The following GPHN variants were observed in gnomAD, a reference collection of about 807,000 sequenced individuals.
GPHN encodes gephyrin.
A neutral mutation model predicts 95.5 loss-of-function variants in GPHN; 17 were observed. The observed-to-expected ratio is 0.18, with a 90% CI of 0.12 to 0.27. The LOEUF is 0.27. Among genes scored for constraint, GPHN ranks in the 10% least tolerant of loss-of-function variants. The pLI, the probability that GPHN is intolerant of heterozygous loss-of-function variation, is 1.00. For synonymous variants in GPHN, 320 were observed against 322.5 expected, an observed-to-expected ratio of 0.99 and a Z score of 0.08; for missense variants, 660 against 978.1, an observed-to-expected ratio of 0.67 and a Z score of 4.34.
intron 5 of GPHN, among the ~76,000 whole-genome samples, chr14:66,905,871 T>C (rs1038376268): frequency 3.5e-4 from 54 of 152,136 alleles, no homozygotes; most frequent in Admixed American, 1.1e-3. Flanking sequence ...GATAATGGCC[T>C]CCAGGTACGT....
chr14:66,778,001 G>A (rs2059448125), intron 3 of GPHN, among the ~76,000 whole-genome samples: 1 of 152,066 alleles, frequency 6.6e-6, no homozygotes, highest in African/African-American at 2.4e-5. Flanking sequence ...AGGAAATAAA[G>A]GGTATTCATT....
the GPHN span, among the ~76,000 whole-genome samples, chr14:67,491,513 T>C: frequency 6.6e-6 from 1 of 152,320 alleles, no homozygotes; most frequent in South Asian, 2.1e-4. Context: ...GTGCTTATTA[T>C]GAATAACAAA....
At chr14:67,095,462 A>G (rs1340566517) in intron 12 of GPHN, among the ~76,000 whole-genome samples, 1 of 152,192 alleles carries the variant, frequency 6.6e-6, no homozygotes, top group Non-Finnish European at 1.5e-5. Flanking sequence ...TCATGCTGCT[A>G]TAAAGACACA....
chr14:67,059,227 G>A (rs148337424), intron 11 of GPHN, among the ~76,000 whole-genome samples: 1 of 151,864 alleles, frequency 6.6e-6, no homozygotes, highest in Non-Finnish European at 1.5e-5. Context: ...ATGTAAAAAT[G>A]TAAAAAAAAA....
At chr14:67,496,416 TTTTTTG>T in the GPHN span, among the ~76,000 whole-genome samples, 1 of 138,288 alleles carries the variant, frequency 7.2e-6, no homozygotes, top group East Asian at 2.2e-4. Context: ...TTTTTTTTTT[TTTTTTG>T]AGACAGGGTC....
chr14:67,299,584 G>A, the GPHN span, among the ~76,000 whole-genome samples: 1 of 152,186 alleles, frequency 6.6e-6, no homozygotes, highest in Non-Finnish European at 1.5e-5. Flanking sequence ...AGGGATTAGA[G>A]TATTTTTATA....
the GPHN span, chr14:67,200,018 G>A: frequency 1.0e-6 from 1 of 965,244 alleles, no homozygotes; most frequent in Non-Finnish European, 1.5e-6. Flanking sequence ...CATGGTTTAG[G>A]ACATCCCCAT....
intron 1 of GPHN, among the ~76,000 whole-genome samples, chr14:66,536,019 A>G (rs985111727): frequency 4.6e-5 from 7 of 152,180 alleles, no homozygotes; most frequent in African/African-American, 1.4e-4. Flanking sequence ...TTAGGGGAAA[A>G]TGTTCAATAT....
chr14:66,657,568 G>A (rs2153370873), intron 1 of GPHN, among the ~76,000 whole-genome samples: 1 of 152,294 alleles, frequency 6.6e-6, no homozygotes, highest in South Asian at 2.1e-4. Flanking sequence ...AATGCAGCTG[G>A]TAACTTTAAA....
the GPHN span, chr14:67,678,091 A>G: frequency 4.4e-6 from 2 of 455,268 alleles, no homozygotes; most frequent in South Asian, 5.1e-5. Context: ...TCCTATTATG[A>G]TATCTCTAGT....
At chr14:66,919,522 A>G (rs1448590010) in intron 6 of GPHN, among the ~76,000 whole-genome samples, 3 of 152,174 alleles carry the variant, frequency 2.0e-5, no homozygotes, top group Non-Finnish European at 1.5e-5. Context: ...ACAGACAGGT[A>G]CAGGCTACTC....
At chr14:67,445,875 C>T in the GPHN span, among the ~76,000 whole-genome samples, 4 of 152,116 alleles carry the variant, frequency 2.6e-5, no homozygotes, top group African/African-American at 9.7e-5. Context: ...GCATGAGCCT[C>T]CCTGCTCAGC....
the GPHN span, chr14:67,320,292 A>G: frequency 6.2e-7 from 1 of 1,613,870 alleles, no homozygotes; most frequent in Non-Finnish European, 8.5e-7. Flanking sequence ...GCCAGCAAAT[A>G]GGAAGAGACC....
the GPHN span, chr14:67,585,616 A>G: frequency 1.9e-6 from 3 of 1,583,904 alleles, no homozygotes; most frequent in Admixed American, 5.4e-5. Context: ...GATTGCTGTG[A>G]ATGAGGATGG....
At chr14:66,816,006 A>T (rs1260771495) in intron 3 of GPHN, among the ~76,000 whole-genome samples, 3 of 152,220 alleles carry the variant, frequency 2.0e-5, no homozygotes, top group Admixed American at 2.0e-4. Context: ...CAAGGGTTGC[A>T]GTTCTACTTT....
intron 1 of GPHN, among the ~76,000 whole-genome samples, chr14:66,632,708 G>C (rs1158064650): frequency 6.6e-6 from 1 of 151,890 alleles, no homozygotes; most frequent in Non-Finnish European, 1.5e-5. Flanking sequence ...GGCCAGGCTG[G>C]TCTCCAACTT....
At chr14:67,423,943 A>G in the GPHN span, among the ~76,000 whole-genome samples, 1 of 152,224 alleles carries the variant, frequency 6.6e-6, no homozygotes, top group South Asian at 2.1e-4. Context: ...ACTTTTTTAA[A>G]AAGTAGGGAG....
At chr14:67,583,235 C>T in the GPHN span, among the ~76,000 whole-genome samples, 1 of 152,158 alleles carries the variant, frequency 6.6e-6, no homozygotes, top group Non-Finnish European at 1.5e-5. Flanking sequence ...CTGTACTAAG[C>T]ATATATGCAT....
chr14:67,209,991 G>A, the GPHN span, among the ~76,000 whole-genome samples: 4 of 152,020 alleles, frequency 2.6e-5, no homozygotes, highest in African/African-American at 9.7e-5. Context: ...AATAATTAAA[G>A]AAATACAAGT....
Sources: allele counts gnomAD v4.1 joint callset (sites outside exome capture counted in the v4.1 genomes callset), GRCh38; gene constraint gnomAD v4.1.1; transcripts MANE v1.5; gene names NCBI Gene and HGNC (gene_info 2026-07-23, HGNC 2026-07-21).